The following ZBTB20 variants were observed in gnomAD, a reference collection of about 807,000 sequenced individuals.
ZBTB20 encodes the protein zinc finger and BTB domain containing 20.
Under a neutral mutation model 56.9 loss-of-function variants are expected in ZBTB20, and 9 were observed. That is an observed-to-expected ratio of 0.16 (90% CI 0.10 to 0.28). The LOEUF (loss-of-function observed/expected upper bound fraction) is 0.28. ZBTB20 is among the 10% of genes least tolerant of loss of function. The pLI, the probability that ZBTB20 is intolerant of heterozygous loss-of-function variation, is 1.00. For missense variants in ZBTB20, 655 were observed against 1,003.0 expected (o/e 0.65, Z 4.69); for synonymous variants, 417 against 420.7 (o/e 0.99, Z 0.11).
At chr3:115,075,082 T>C (rs1013482754) in intron 1 of ZBTB20, among the ~76,000 whole-genome samples, 2 of 152,166 alleles carry the variant, frequency 1.3e-5, no homozygotes, top group African/African-American at 4.8e-5. Context: ...TGAATTAACA[T>C]TTATTGAAGC....
chr3:114,633,786 A>C (rs189246671), intron 6 of ZBTB20, among the ~76,000 whole-genome samples: 1 of 152,338 alleles, frequency 6.6e-6, no homozygotes, highest in East Asian at 1.9e-4. Context: ...TATTATTAAA[A>C]TGATAGTTTA....
intron 6 of ZBTB20, chr3:114,528,825 T>A (rs968789491): frequency 6.6e-6 from 1 of 152,172 alleles, no homozygotes; most frequent in African/African-American, 2.4e-5. Context: ...TTGCAGATTT[T>A]TTTTTCCTCA....
At chr3:115,120,416 A>G (rs2084151462) in intron 1 of ZBTB20, among the ~76,000 whole-genome samples, 1 of 152,144 alleles carries the variant, frequency 6.6e-6, no homozygotes, top group Non-Finnish European at 1.5e-5. Context: ...TCAAAGAATT[A>G]ACATCATACA....
chr3:114,729,860 G>T (rs1292466511), intron 5 of ZBTB20, among the ~76,000 whole-genome samples: 9 of 151,760 alleles, frequency 5.9e-5, no homozygotes. Context: ...CTGGAGTGCG[G>T]TGGCATGACC....
chr3:114,704,699 T>C (rs2063606230), intron 5 of ZBTB20, among the ~76,000 whole-genome samples: 1 of 152,148 alleles, frequency 6.6e-6, no homozygotes, highest in Non-Finnish European at 1.5e-5. Context: ...ATCAAGATAA[T>C]GAATTCTAAC....
chr3:114,332,785 A>C lies in ZBTB20; in HGVS notation c.*6220T>G, dbSNP rs540665814. On this transcript the variant is annotated 3_prime_UTR_variant, in exon 12 of 12. Coordinates refer to ENST00000675478, the MANE Select transcript of ZBTB20 (RefSeq NM_001348800.3). ...TTGAGGTCACTTAAGATTAGATTTC[A>C]GTCTGAAAGTCTACAGTTTACGGAG... 6.6e-6 allele frequency: 1 copy of C among 152,362 alleles called. No homozygotes were observed. Among genetic ancestry groups the C allele is most frequent in the South Asian group, 2.1e-4 (1 of 4,832 alleles). The allele number at this position is 152,362 out of a possible 1,614,324, so 9.4% of individuals were successfully genotyped here.
intron 5 of ZBTB20, among the ~76,000 whole-genome samples, chr3:114,717,633 C>G (rs1177989060): frequency 6.6e-6 from 1 of 152,090 alleles, no homozygotes; most frequent in Non-Finnish European, 1.5e-5. Flanking sequence ...CCAAGACTCC[C>G]TCCAGTTCAC....
At chr3:115,119,829 T>C (rs2084129747) in intron 1 of ZBTB20, among the ~76,000 whole-genome samples, 1 of 152,154 alleles carries the variant, frequency 6.6e-6, no homozygotes, top group African/African-American at 2.4e-5. Context: ...AGCAAGAGTG[T>C]AATACTGTGA....
At chr3:115,078,140 C>T (rs1046957872) in intron 1 of ZBTB20, among the ~76,000 whole-genome samples, 1 of 152,140 alleles carries the variant, frequency 6.6e-6, no homozygotes, top group Non-Finnish European at 1.5e-5. Context: ...CATTGCTTCC[C>T]TATCTGAATC....
At chr3:115,094,860 T>C (rs114522211) in intron 1 of ZBTB20, among the ~76,000 whole-genome samples, 26 of 152,198 alleles carry the variant, frequency 1.7e-4, no homozygotes, top group African/African-American at 6.3e-4. Context: ...AAAATAGTAC[T>C]ACTATGTATA....
At chr3:114,684,183 T>A (rs1013506315) in intron 6 of ZBTB20, among the ~76,000 whole-genome samples, 1 of 152,182 alleles carries the variant, frequency 6.6e-6, no homozygotes, top group African/African-American at 2.4e-5. Flanking sequence ...CTTCTGAAAA[T>A]CCTGACACTC....
chr3:114,437,518 C>T (rs1365799199), intron 7 of ZBTB20, among the ~76,000 whole-genome samples: 1 of 152,084 alleles, frequency 6.6e-6, no homozygotes. Flanking sequence ...AAGAAATTAA[C>T]CTTTCCTCAG....
chr3:114,986,298 C>T (rs1205411697), intron 2 of ZBTB20, among the ~76,000 whole-genome samples: 3 of 152,058 alleles, frequency 2.0e-5, no homozygotes, highest in African/African-American at 7.2e-5. Flanking sequence ...TCAGCTTTCT[C>T]TGCATATTTT....
intron 4 of ZBTB20, among the ~76,000 whole-genome samples, chr3:114,812,910 C>CA (rs2072650750): frequency 1.3e-5 from 2 of 149,730 alleles, no homozygotes; most frequent in South Asian, 4.4e-4. Context: ...CTAAGCCCCT[C>CA]ACTGCCCGGG....
intron 6 of ZBTB20, among the ~76,000 whole-genome samples, chr3:114,673,261 G>A (rs932845330): frequency 6.6e-6 from 1 of 152,064 alleles, no homozygotes. Flanking sequence ...GGGGGTTGGG[G>A]TAGAGCTCAG....
At chr3:115,123,098 T>C (rs1353242443) in intron 1 of ZBTB20, among the ~76,000 whole-genome samples, 2 of 152,166 alleles carry the variant, frequency 1.3e-5, no homozygotes, top group Non-Finnish European at 2.9e-5. Context: ...CTTCTTTCTA[T>C]GGCATCCACT....
intron 4 of ZBTB20, among the ~76,000 whole-genome samples, chr3:114,828,813 TAC>T (rs2073691000): frequency 6.6e-6 from 1 of 151,928 alleles, no homozygotes; most frequent in Non-Finnish European, 1.5e-5. Flanking sequence ...TGGCTAAACT[TAC>T]AGTTTCATTA....
At chr3:114,605,348 G>A (rs2057064997) in intron 6 of ZBTB20, among the ~76,000 whole-genome samples, 1 of 152,012 alleles carries the variant, frequency 6.6e-6, no homozygotes, top group Admixed American at 6.6e-5. Flanking sequence ...TCCTATTTCC[G>A]TTGTCCCATG....
intron 4 of ZBTB20, among the ~76,000 whole-genome samples, chr3:114,898,173 T>C (rs942393658): frequency 6.6e-6 from 1 of 152,034 alleles, no homozygotes; most frequent in Non-Finnish European, 1.5e-5. Flanking sequence ...TTTAGTGAGA[T>C]AGAGATAGGG....
Sources: gnomAD v4.1 joint callset for allele counts (sites outside exome capture counted in the v4.1 genomes callset) on GRCh38, gnomAD v4.1.1 for gene constraint, MANE v1.5 for transcripts, NCBI Gene and HGNC (gene_info 2026-07-23, HGNC 2026-07-21) for gene names.